Variants in NMS observed in about 807,000 individuals in gnomAD.
NMS encodes neuromedin-S.
NMS carries 30 observed loss-of-function variants against 32.2 expected under a neutral mutation model. The ratio of observed to expected loss-of-function variants is 0.93; its 90% CI spans 0.70 to 1.26. The LOEUF (loss-of-function observed/expected upper bound fraction) is 1.26. Among genes scored for constraint, NMS ranks in the 50% most tolerant of loss-of-function variants. The probability of loss-of-function intolerance (pLI) is 0.00; values close to 1 mark genes in which losing one functional copy is unlikely to be tolerated. For missense variants in NMS, 190 were observed against 186.3 expected (o/e 1.02, Z -0.12); for synonymous variants, 76 against 58.5 (o/e 1.30, Z -1.37).
intron 1 of NMS, 39 bp from the exon 2 acceptor site, chr2:100,472,756 C>G (rs1443074327): frequency 7.3e-7 from 1 of 1,369,186 alleles, no homozygotes; most frequent in East Asian, 2.3e-5. Context: ...GCTATGACCT[C>G]TTTTCTCTAA....
chr2:100,482,408 C>A lies in NMS; in HGVS notation c.449+97C>A, dbSNP rs1268821196. ...AGTGAGAGGCAGCCATGGGGAGGAC[C>A]ATTGTTCAAGAAATGAGGACCCTTC... On this transcript the variant is annotated intron_variant, in intron 9 of 9. Coordinates refer to ENST00000376865, the MANE Select transcript of NMS (RefSeq NM_001011717.1). 1.2e-5 allele frequency: 14 copies of A among 1,178,104 alleles called. 1 individual carries two copies. The highest frequency in any genetic ancestry group is 1.1e-4 in the African/African-American group (7 of 66,190). The allele number at this position is 1,178,104 out of a possible 1,614,324, so 73.0% of individuals were successfully genotyped here.
At chr2:100,477,792 A>G (rs900584600) in intron 5 of NMS, among the ~76,000 whole-genome samples, 1 of 152,138 alleles carries the variant, frequency 6.6e-6, no homozygotes, top group African/African-American at 2.4e-5. Flanking sequence ...ACCATCCCCC[A>G]GTGGTGATCC....
chr2:100,471,329 G>T (rs1478334758), intron 1 of NMS, among the ~76,000 whole-genome samples: 1 of 152,198 alleles, frequency 6.6e-6, no homozygotes, highest in Non-Finnish European at 1.5e-5. Flanking sequence ...TATATTGACA[G>T]AGAAAACATA....
chr2:100,470,621 G>C, intron 1 of NMS, 57 bp downstream of exon 1: 1 of 1,371,384 alleles, frequency 7.3e-7, no homozygotes, highest in Non-Finnish European at 1.0e-6. Context: ...GTCTGAGACA[G>C]ACCTTGATCC....
intron 2 of NMS, 93 bp downstream of exon 2, chr2:100,472,943 A>G: frequency 2.3e-6 from 2 of 853,562 alleles, no homozygotes; most frequent in Middle Eastern, 2.4e-4. Context: ...TTTTGAGATC[A>G]GATTTTTGGC....
rs552983279 is a variant in NMS at position 100,477,383 on chromosome 2, C to T, written c.230C>T (p.Thr77Ile). The T allele has an allele frequency of 6.2e-7, 1 of 1,613,238 alleles. No homozygotes were observed. The highest frequency in any genetic ancestry group is 2.2e-5 in the East Asian group (1 of 44,878). The part of the protein sequence containing the change: ...YKRFLFHYSR[T>I]QEATHPVKTG... The stretch of plus-strand genomic sequence containing the variant: ...TAGTTTTTGTTTCACTACTCCAGAA[C>T]TCAGGAGGCAACACATCCAGTTAAA... Residue 77 changes from threonine to isoleucine, a missense_variant, in exon 5 of 10, where the codon ACT becomes ATT. Transcript: ENST00000376865.
intron 8 of NMS, among the ~76,000 whole-genome samples, chr2:100,481,445 A>G (rs1218783719): frequency 6.6e-6 from 1 of 152,196 alleles, no homozygotes; most frequent in Non-Finnish European, 1.5e-5. Context: ...ATCTGAGCCC[A>G]TGTTTTAGAG....
chr2:100,472,369 G>T (rs551387316), intron 1 of NMS, among the ~76,000 whole-genome samples: 5 of 152,184 alleles, frequency 3.3e-5, no homozygotes, highest in African/African-American at 9.7e-5. Flanking sequence ...AGAGAGACGG[G>T]TATCCATGTG....
chr2:100,471,833 G>A (rs896881220), intron 1 of NMS, among the ~76,000 whole-genome samples: 2 of 152,194 alleles, frequency 1.3e-5, no homozygotes, highest in African/African-American at 4.8e-5. Context: ...GGAAACACAG[G>A]ATAAGACTAA....
chr2:100,480,275 T>C (rs945500536), intron 6 of NMS, among the ~76,000 whole-genome samples: 5 of 152,342 alleles, frequency 3.3e-5, no homozygotes, highest in Middle Eastern at 3.4e-3. Context: ...TGGACACAGA[T>C]GGTAACTCAG....
At chr2:100,475,924 G>A (rs917964137) in intron 3 of NMS, among the ~76,000 whole-genome samples, 4 of 151,496 alleles carry the variant, frequency 2.6e-5, no homozygotes, top group African/African-American at 9.7e-5. Flanking sequence ...GCTTGAACCT[G>A]GGAGGTGGAG....
At chr2:100,481,064 A>G (rs1012310882) in intron 7 of NMS, 62 bp from the exon 8 acceptor site, 1 of 1,564,148 alleles carries the variant, frequency 6.4e-7, no homozygotes, top group Non-Finnish European at 8.8e-7. Context: ...TCCTATAGAC[A>G]TTTTTGAAGA....
chr2:100,471,155 A>G (rs1677000777), intron 1 of NMS, among the ~76,000 whole-genome samples: 2 of 152,182 alleles, frequency 1.3e-5, no homozygotes, highest in African/African-American at 2.4e-5. Context: ...ACTAGCTTCT[A>G]GGGAACAGGG....
chr2:100,470,604 T>C (rs1480025660), intron 1 of NMS, 40 bp downstream of exon 1: 1 of 1,480,528 alleles, frequency 6.8e-7, no homozygotes, highest in South Asian at 1.1e-5. Flanking sequence ...GCCTAAACTC[T>C]GAGGATGTCT....
At chr2:100,482,156 G>T (rs2104340485) in intron 8 of NMS, 121 bp from the exon 9 acceptor site, 1 of 944,972 alleles carries the variant, frequency 1.1e-6, no homozygotes, top group East Asian at 2.4e-5. Context: ...CCCATGGAGG[G>T]GAGTGAAGTC....
At chr2:100,479,883 G>A (rs921502553) in intron 6 of NMS, among the ~76,000 whole-genome samples, 1 of 152,044 alleles carries the variant, frequency 6.6e-6, no homozygotes, top group Non-Finnish European at 1.5e-5. Context: ...CCTTTTCAAT[G>A]GTAATCAAAG....
In NMS at chr2:100,470,566, T is replaced by C; in HGVS notation, c.76+2T>C. ...GCATGCTACAGATTCCCTCCTCAGGTAAGGGGAGCTTCCTCAGACTCCATC... is the reference window on the plus strand; with the variant it reads ...GCATGCTACAGATTCCCTCCTCAGGCAAGGGGAGCTTCCTCAGACTCCATC... On this transcript the variant is annotated splice_donor_variant, in intron 1 of 9. Coordinates refer to ENST00000376865, the MANE Select transcript of NMS (RefSeq NM_001011717.1). LOFTEE classifies it high-confidence loss of function. 1 of 1,611,300 alleles carries C rather than the reference T, an allele frequency of 6.2e-7. No homozygotes were observed. Among genetic ancestry groups the C allele is most frequent in the Non-Finnish European group, 8.5e-7 (1 of 1,177,568 alleles).
intron 7 of NMS, 129 bp from the exon 8 acceptor site, chr2:100,480,997 C>A: frequency 2.2e-6 from 2 of 889,762 alleles, no homozygotes; most frequent in Non-Finnish European, 3.7e-6. Context: ...GTATTTCTTA[C>A]AAGTTCCCAG....
At chr2:100,480,679 C>T (rs902755277) in intron 7 of NMS, 148 bp downstream of exon 7, 2 of 757,406 alleles carry the variant, frequency 2.6e-6, no homozygotes, top group Admixed American at 5.6e-5. Flanking sequence ...TCTTTTGTGG[C>T]TGAGCAATTA....
Sources: gnomAD v4.1 joint callset for allele counts (sites outside exome capture counted in the v4.1 genomes callset) on GRCh38, gnomAD v4.1.1 for gene constraint, MANE v1.5 for transcripts, NCBI Gene and HGNC (gene_info 2026-07-23, HGNC 2026-07-21) for gene names.